SCAMP5: variants seen among roughly 807,000 people sequenced by gnomAD.
SCAMP5 encodes the protein secretory carrier-associated membrane protein 5.
In SCAMP5, 7 loss-of-function variants were observed where a neutral mutation model predicts 28.3. The ratio of observed to expected loss-of-function variants is 0.25; its 90% confidence interval spans 0.14 to 0.46. The LOEUF is 0.46. Ranked by LOEUF, SCAMP5 falls within the 20% of genes least tolerant of loss-of-function variation. SCAMP5 has a pLI of 0.99. For synonymous variants in SCAMP5, 117 were observed against 116.4 expected (o/e 1.00, Z -0.03); for missense variants, 192 against 312.5 (o/e 0.61, Z 2.91).
intron 2 of SCAMP5, among the ~76,000 whole-genome samples, 181 bp from the exon 3 acceptor site, chr15:75,012,496 C>T (rs942285435): frequency 1.3e-5 from 2 of 152,184 alleles, no homozygotes; most frequent in Admixed American, 6.5e-5. Flanking sequence ...TGTCTCAGGG[C>T]CTTTGGCTAC....
chr15:75,011,766 C>T, intron 1 of SCAMP5, 26 bp from the exon 2 acceptor site: 1 of 1,415,110 alleles, frequency 7.1e-7, no homozygotes, highest in Non-Finnish European at 1.0e-6. Context: ...TGATCTCATC[C>T]TTCTCTGGCT....
intron 1 of SCAMP5, among the ~76,000 whole-genome samples, chr15:75,002,197 T>G (rs1444934545): frequency 1.3e-5 from 2 of 151,832 alleles, no homozygotes; most frequent in Non-Finnish European, 2.9e-5. Context: ...TCACTGCCCA[T>G]CTAAGACCTC....
intron 1 of SCAMP5, among the ~76,000 whole-genome samples, chr15:75,004,179 C>T (rs796292146): frequency 2.0e-5 from 3 of 152,166 alleles, no homozygotes; most frequent in Admixed American, 6.5e-5. Context: ...GCTGGTATTA[C>T]AGGCGTGAGC....
rs577624230 is a variant in SCAMP5 at position 75,019,214 on chromosome 15, G to A, written c.*231G>A. 32 of 338,072 alleles carry A rather than the reference G, an allele frequency of 9.5e-5. No individual in the cohort carries two copies. The South Asian group carries it at 2.5e-3, about 27-fold the overall frequency. The allele number at this position is 338,072 out of a possible 1,614,324, so 20.9% of individuals were successfully genotyped here. ...TGTGGGCTGCACGTGGAGCTGTCCCGTGCGGTAGTAGCTGTGTCTGTGTCC... is the reference window on the plus strand; with the variant it reads ...TGTGGGCTGCACGTGGAGCTGTCCCATGCGGTAGTAGCTGTGTCTGTGTCC... On this transcript the variant is annotated 3_prime_UTR_variant, in exon 7 of 7. Transcript: ENST00000425597.
At chr15:75,012,232 G>C (rs1275359405) in intron 2 of SCAMP5, among the ~76,000 whole-genome samples, 1 of 152,186 alleles carries the variant, frequency 6.6e-6, no homozygotes, top group African/African-American at 2.4e-5. Context: ...GGGAACTTTA[G>C]GGACCGTGTA....
intron 4 of SCAMP5, 150 bp downstream of exon 4, chr15:75,016,899 G>A (rs2065864945): frequency 1.4e-6 from 1 of 725,126 alleles, no homozygotes; most frequent in Non-Finnish European, 2.2e-6. Flanking sequence ...TTGCTAGGTA[G>A]GGCCTGGGCT....
At chr15:75,003,417 T>G (rs1013716706) in intron 1 of SCAMP5, among the ~76,000 whole-genome samples, 1 of 152,238 alleles carries the variant, frequency 6.6e-6, no homozygotes, top group Non-Finnish European at 1.5e-5. Context: ...TTGATATCCT[T>G]CCAGAGATTC....
chr15:75,012,636 GA>G (rs1186965530), intron 2 of SCAMP5, 40 bp from the exon 3 acceptor site: 1 of 1,612,656 alleles, frequency 6.2e-7, no homozygotes, highest in Non-Finnish European at 8.5e-7. Flanking sequence ...TTGTCGGGTG[GA>G]AGACTGGAGG....
intron 4 of SCAMP5, among the ~76,000 whole-genome samples, chr15:75,017,298 A>G (rs535067081): frequency 6.6e-5 from 10 of 151,944 alleles, no homozygotes; most frequent in African/African-American, 2.4e-4. Context: ...GGCATTTTCA[A>G]TCTTTGTGCC....
intron 1 of SCAMP5, among the ~76,000 whole-genome samples, chr15:75,002,069 G>A (rs2065714947): frequency 6.6e-6 from 1 of 151,896 alleles, no homozygotes. Context: ...TTGCACCACC[G>A]CACTCCAGGC....
Position 75,020,652 on chromosome 15 carries a change from G to T in SCAMP5, c.*1669G>T, listed in dbSNP as rs780366385. 3.3e-5 allele frequency: 5 copies of T among 152,342 alleles called. No individual in the cohort carries two copies. Among genetic ancestry groups the T allele is most frequent in the African/African-American group, 1.2e-4 (5 of 41,562 alleles). The allele number at this position is 152,342 out of a possible 1,614,324, so 9.4% of individuals were successfully genotyped here. ...GGTAGAGGCTCTAGCTGTGTGCGGG[G>T]CCTGAAGGGGAGTGGGTTCTCGCCC... On this transcript the variant is annotated 3_prime_UTR_variant, in exon 7 of 7. Coordinates refer to ENST00000425597, the MANE Select transcript of SCAMP5 (RefSeq NM_138967.4).
At position 75,016,502 on chromosome 15, in the gene SCAMP5, G is replaced by GGT. The variant is rs936814224; in HGVS notation, c.137-81_137-80dup. The GGT allele has an allele frequency of 2.8e-5, 34 of 1,206,644 alleles. No homozygotes were observed. In the Admixed American group the frequency reaches 4.0e-4, roughly 14 times the overall value. 74.7% of individuals were successfully genotyped at this position (1,206,644 alleles called of 1,614,324 possible). On this transcript the variant is annotated intron_variant, in intron 3 of 6. Transcript: ENST00000425597. ...GATTGTGGGTCTCTGTTGCGTTACT[G>GGT]GTGTGTGTGTGCCCATGTCCGGGTG...
chr15:75,012,381 C>G (rs566456868), intron 2 of SCAMP5, among the ~76,000 whole-genome samples: 4 of 152,360 alleles, frequency 2.6e-5, no homozygotes, highest in South Asian at 4.2e-4. Flanking sequence ...GAGCTGCCCC[C>G]ACTGAGAGGG....
chr15:75,017,177 C>T (rs762771403), intron 4 of SCAMP5, among the ~76,000 whole-genome samples: 1 of 152,108 alleles, frequency 6.6e-6, no homozygotes, highest in Non-Finnish European at 1.5e-5. Flanking sequence ...GTACCATTGA[C>T]ACTGTTCATG....
At chr15:75,005,124 G>A (rs1422280917) in intron 1 of SCAMP5, among the ~76,000 whole-genome samples, 1 of 150,918 alleles carries the variant, frequency 6.6e-6, no homozygotes, top group African/African-American at 2.4e-5. Context: ...GCAGTGAGCC[G>A]AGATCGTGCC....
chr15:75,018,561 A>G lies in SCAMP5; in HGVS notation c.513+26A>G. On this transcript the variant is annotated intron_variant, in intron 6 of 6. Transcript: ENST00000425597. This position sits in a 1 kb window ranked among gnomAD's most constrained non-coding sequence, Gnocchi z 5.6. ...GTACGTGGTCCCCTCAAGGGTGAGAAGGTGGCTTTGGGAAGGGGCCATGTT... is the reference window on the plus strand; with the variant it reads ...GTACGTGGTCCCCTCAAGGGTGAGAGGGTGGCTTTGGGAAGGGGCCATGTT... 1 of 1,512,806 alleles carries G rather than the reference A, an allele frequency of 6.6e-7. No homozygotes were observed. The highest frequency in any genetic ancestry group is 9.2e-7 in the Non-Finnish European group (1 of 1,087,718). 93.7% of individuals were successfully genotyped at this position (1,512,806 alleles called of 1,614,324 possible).
intron 3 of SCAMP5, chr15:75,013,081 G>T: frequency 2.1e-6 from 1 of 480,948 alleles, no homozygotes; most frequent in Admixed American, 3.5e-5. Flanking sequence ...TCTGGACAGG[G>T]GTCCCTCTCT....
intron 1 of SCAMP5, among the ~76,000 whole-genome samples, chr15:75,000,143 A>AT (rs544471189): frequency 4.5e-4 from 68 of 150,654 alleles, no homozygotes; most frequent in Non-Finnish European, 7.4e-4. Context: ...ATGCACTTAG[A>AT]TTTTTTTTTT....
chr15:75,005,179 A>C (rs2065744676), intron 1 of SCAMP5, among the ~76,000 whole-genome samples: 1 of 151,774 alleles, frequency 6.6e-6, no homozygotes, highest in Non-Finnish European at 1.5e-5. Context: ...TTGTCTCAAA[A>C]AAAAAAAAAT....
Sources: allele counts gnomAD v4.1 joint callset (sites outside exome capture counted in the v4.1 genomes callset), GRCh38; gene constraint gnomAD v4.1.1; non-coding constraint Gnocchi (gnomAD v3.1); transcripts MANE v1.5; gene names NCBI Gene and HGNC (gene_info 2026-07-23, HGNC 2026-07-21).